Variants in ARHGAP15 observed in about 807,000 individuals in gnomAD.
ARHGAP15 encodes rho GTPase-activating protein 15.
A neutral mutation model predicts 63.7 loss-of-function variants in ARHGAP15; 51 were observed. That is an observed-to-expected ratio of 0.80 (90% CI 0.64 to 1.01). The LOEUF (loss-of-function observed/expected upper bound fraction) is 1.01. Among genes scored for constraint, ARHGAP15 ranks in the 50% least tolerant of loss-of-function variants. The pLI is 0.00. For missense variants in ARHGAP15, 560 were observed against 564.6 expected (o/e 0.99, Z 0.08); for synonymous variants, 191 against 193.8 (o/e 0.99, Z 0.12).
intron 2 of ARHGAP15, among the ~76,000 whole-genome samples, chr2:143,201,230 T>A (rs964971860): frequency 1.3e-5 from 2 of 151,736 alleles, no homozygotes; most frequent in Non-Finnish European, 2.9e-5. Flanking sequence ...CACTTGAGCC[T>A]CTGGGGTAGC....
intron 1 of ARHGAP15, 83 bp from the exon 2 acceptor site, chr2:143,155,394 A>T: frequency 2.4e-6 from 3 of 1,249,744 alleles, no homozygotes; most frequent in Non-Finnish European, 3.3e-6. Flanking sequence ...TAATATCCTA[A>T]TGATTACTAG....
chr2:143,363,536 C>T (rs1478386417), intron 6 of ARHGAP15, among the ~76,000 whole-genome samples: 1 of 152,130 alleles, frequency 6.6e-6, no homozygotes, highest in African/African-American at 2.4e-5. Context: ...ACTCTTGCTA[C>T]TGTTCTTTAT....
At chr2:143,520,632 A>G (rs1321251352) in intron 10 of ARHGAP15, among the ~76,000 whole-genome samples, 1 of 152,230 alleles carries the variant, frequency 6.6e-6, no homozygotes, top group Non-Finnish European at 1.5e-5. Flanking sequence ...GCAAGTTGCA[A>G]TTTCATTTAA....
At chr2:143,713,654 A>T (rs970516994) in intron 13 of ARHGAP15, among the ~76,000 whole-genome samples, 13 of 152,090 alleles carry the variant, frequency 8.5e-5, no homozygotes, top group Admixed American at 1.3e-4. Flanking sequence ...TACTTCCTAG[A>T]TACAAAGAGG....
At chr2:143,144,679 A>G (rs1447036481) in intron 1 of ARHGAP15, among the ~76,000 whole-genome samples, 1 of 151,920 alleles carries the variant, frequency 6.6e-6, no homozygotes, top group Admixed American at 6.6e-5. Context: ...CTATTTATCT[A>G]TTTACTTACC....
At chr2:143,511,973 G>A (rs537268084) in intron 9 of ARHGAP15, among the ~76,000 whole-genome samples, 8 of 152,284 alleles carry the variant, frequency 5.3e-5, no homozygotes, top group South Asian at 2.1e-4. Context: ...TCTGTCAAGG[G>A]CTAATGTTGT....
At chr2:143,574,590 C>T (rs1696597328) in intron 11 of ARHGAP15, among the ~76,000 whole-genome samples, 1 of 152,064 alleles carries the variant, frequency 6.6e-6, no homozygotes, top group African/African-American at 2.4e-5. Flanking sequence ...TTGTTCGAAT[C>T]CTCTCTATTG....
In ARHGAP15 at chr2:143,386,432, A is replaced by G. The variant is rs550425156; in HGVS notation, c.475-49169A>G. Among the ~76,000 whole-genome samples, 13 of 152,326 alleles carry G rather than the reference A, an allele frequency of 8.5e-5. No homozygotes were observed. In the East Asian group the frequency reaches 2.5e-3, roughly 29 times the overall value. ...CAGTGGGGGGAAAAAACGAGAAAGC[A>G]CAACTTGTCTTGGATTAAAAGGAGA... On this transcript the variant is annotated intron_variant, in intron 6 of 13. Transcript: ENST00000295095.
At chr2:143,235,808 C>T in intron 5 of ARHGAP15, 2 of 940,854 alleles carry the variant, frequency 2.1e-6, no homozygotes, top group Non-Finnish European at 2.9e-6. Context: ...TTTGATTTAT[C>T]TTCTCAGGCC....
intron 1 of ARHGAP15, among the ~76,000 whole-genome samples, chr2:143,131,115 G>A (rs1688897587): frequency 6.6e-6 from 1 of 152,114 alleles, no homozygotes; most frequent in African/African-American, 2.4e-5. Context: ...TGCAGAAACT[G>A]TTAAATTAAA....
chr2:143,673,722 T>TTGTG lies in ARHGAP15; in HGVS notation c.1139-29663_1139-29660dup, dbSNP rs70982878. ...ACAAATATCTGATAAAGGCCTTATA[T>TTGTG]TGTGTGTGTGTGTGTGTGTGTGTGT... is the stretch of plus-strand genomic sequence containing the variant. On this transcript the variant is annotated intron_variant, in intron 12 of 13. Coordinates refer to ENST00000295095, the MANE Select transcript of ARHGAP15 (RefSeq NM_018460.4). Among the ~76,000 whole-genome samples the TTGTG allele has an allele frequency of 7.6e-3, 416 of 54,544 alleles. 10 individuals carry two copies. The highest frequency in any genetic ancestry group is 0.017 in the African/African-American group (354 of 21,022). The allele number at this position is 54,544 out of a possible 152,430, so 35.8% of individuals were successfully genotyped here.
rs879936047 is a variant in ARHGAP15 at position 143,397,342 on chromosome 2, GTGTGTA to G, written c.475-38257_475-38252del. Among the ~76,000 whole-genome samples, 809 of 148,664 alleles carry G rather than the reference GTGTGTA, an allele frequency of 5.4e-3. 3 individuals carry two copies. The highest frequency in any genetic ancestry group is 0.017 in the African/African-American group (682 of 40,232). ...TGTGTGTGTGTGTGTGTGTGTGTGT[GTGTGTA>G]TATATATATCTCCAACCTTAGTTTC... is the stretch of plus-strand genomic sequence containing the variant. On this transcript the variant is annotated intron_variant, in intron 6 of 13. Coordinates refer to ENST00000295095, the MANE Select transcript of ARHGAP15 (RefSeq NM_018460.4).
intron 13 of ARHGAP15, among the ~76,000 whole-genome samples, chr2:143,710,190 G>A (rs2381507): frequency 7.2e-5 from 11 of 151,754 alleles, no homozygotes; most frequent in Non-Finnish European, 1.2e-4. Flanking sequence ...TGTGGGACAC[G>A]GGTTGTGAGT....
chr2:143,671,094 T>A (rs55938142), intron 12 of ARHGAP15, among the ~76,000 whole-genome samples: 20,527 of 152,238 alleles, frequency 0.13, 1,510 homozygotes, highest in South Asian at 0.24. Context: ...AATAACATAG[T>A]CTATGTAACT....
intron 10 of ARHGAP15, among the ~76,000 whole-genome samples, chr2:143,552,552 G>GA (rs1332844273): frequency 1.5e-5 from 2 of 132,622 alleles, no homozygotes; most frequent in South Asian, 2.7e-4. Context: ...TTCTTCAGGA[G>GA]AAAAAAAAGT....
At chr2:143,727,707 T>C (rs1423449509) in intron 13 of ARHGAP15, among the ~76,000 whole-genome samples, 1 of 152,190 alleles carries the variant, frequency 6.6e-6, no homozygotes, top group Non-Finnish European at 1.5e-5. Context: ...TGTAATGGTA[T>C]GGAGACAGAG....
chr2:143,157,263 G>A (rs1250767444), intron 2 of ARHGAP15, among the ~76,000 whole-genome samples: 1 of 151,786 alleles, frequency 6.6e-6, no homozygotes, highest in South Asian at 2.1e-4. Context: ...GTACAATTAG[G>A]CATAATTGGC....
chr2:143,351,224 C>A (rs904079236), intron 6 of ARHGAP15: 1 of 152,104 alleles, frequency 6.6e-6, no homozygotes, highest in Non-Finnish European at 1.5e-5. Context: ...CTATTCTTAC[C>A]ATTTTGTGTT....
At chr2:143,405,958 G>A (rs984188684) in intron 6 of ARHGAP15, among the ~76,000 whole-genome samples, 8 of 151,976 alleles carry the variant, frequency 5.3e-5, no homozygotes, top group African/African-American at 1.7e-4. Flanking sequence ...TAATTCTGTG[G>A]CATTTTTTCC....
Sources: gnomAD v4.1 joint callset for allele counts (sites outside exome capture counted in the v4.1 genomes callset) on GRCh38, gnomAD v4.1.1 for gene constraint, MANE v1.5 for transcripts, NCBI Gene and HGNC (gene_info 2026-07-23, HGNC 2026-07-21) for gene names.